The following MAP3K15 variants were observed in gnomAD, a reference collection of about 807,000 sequenced individuals.
The protein encoded by MAP3K15 is mitogen-activated protein kinase kinase kinase 15, also known as MAPK/ERK kinase kinase 15.
In MAP3K15, 124 loss-of-function variants were observed where a neutral mutation model predicts 99.5. The ratio of observed to expected loss-of-function variants is 1.25; its 90% CI spans 1.08 to 1.45. MAP3K15 has a LOEUF of 1.45. MAP3K15 is among the 40% of genes most tolerant of loss of function. MAP3K15 has a pLI of 0.00. For missense variants in MAP3K15, 1,242 were observed against 1,079.7 expected (o/e 1.15, Z -2.11); for synonymous variants, 494 against 439.6 (o/e 1.12, Z -1.55).
intron 23 of MAP3K15, 55 bp from the exon 24 acceptor site, chrX:19,371,119 A>C: frequency 2.1e-6 from 2 of 961,238 alleles, no homozygotes; most frequent in South Asian, 4.7e-5. Flanking sequence ...CCAGATTTCC[A>C]GTGCATTGCA....
At chrX:19,430,843 T>C (rs116121621) in intron 7 of MAP3K15, among the ~76,000 whole-genome samples, 12,217 of 110,184 alleles carry the variant, frequency 0.11, 1,281 homozygotes, top group African/African-American at 0.32. Flanking sequence ...ATCACTTTTC[T>C]ATCTTTAGGC....
chrX:19,386,571 G>A (rs1057454851), intron 18 of MAP3K15, among the ~76,000 whole-genome samples: 1 of 111,112 alleles, frequency 9.0e-6, no homozygotes, highest in Middle Eastern at 4.7e-3. Context: ...AGCCCACTAC[G>A]GCTCTTAGGT....
Position 19,472,210 on chromosome X carries a change from C to T in MAP3K15, c.526-7804G>A, listed in dbSNP as rs776347978. On this transcript the variant is annotated intron_variant, in intron 3 of 28. Coordinates refer to ENST00000338883, the MANE Select transcript of MAP3K15 (RefSeq NM_001001671.4). ...CAGCACTCCAGCCTGGGCCATAGAG[C>T]GAGACTCTGTCTCAAAAATAATAAT... 2.0e-4 allele frequency among the ~76,000 whole-genome samples: 21 copies of T among 107,119 alleles called. No homozygotes were observed. The South Asian group carries it at 5.2e-3, about 27-fold the overall frequency. 93.0% of individuals were successfully genotyped at this position (107,119 alleles called of 115,157 possible). A position where few individuals can be genotyped will look rare whatever the true frequency, so the allele number is the denominator to read the frequency against.
chrX:19,394,940 C>T (rs1041955017), intron 16 of MAP3K15, 141 bp downstream of exon 16: 5 of 600,892 alleles, frequency 8.3e-6, no homozygotes, highest in South Asian at 2.8e-5. Context: ...CTTCCCATCT[C>T]GGCCTCCCAA....
intron 3 of MAP3K15, among the ~76,000 whole-genome samples, chrX:19,465,435 G>A (rs761569543): frequency 9.1e-6 from 1 of 110,472 alleles, no homozygotes; most frequent in Admixed American, 9.7e-5. Flanking sequence ...ACCAGCTATT[G>A]GTATTAAGTC....
chrX:19,463,762 C>T (rs1443799369), intron 4 of MAP3K15, among the ~76,000 whole-genome samples: 7 of 111,248 alleles, frequency 6.3e-5, no homozygotes, highest in Non-Finnish European at 9.4e-5. Context: ...ACTCAACGCA[C>T]GAAGGCTTTT....
chrX:19,499,145 T>C (rs2064425517), intron 1 of MAP3K15, among the ~76,000 whole-genome samples: 1 of 111,990 alleles, frequency 8.9e-6, no homozygotes, highest in Admixed American at 9.5e-5. Flanking sequence ...CAAAGGAAGA[T>C]ATCTGCATGT....
At chrX:19,360,870 T>G in intron 28 of MAP3K15, 37 bp from the exon 29 acceptor site, 1 of 1,064,218 alleles carries the variant, frequency 9.4e-7, no homozygotes, top group Non-Finnish European at 1.3e-6. Flanking sequence ...GAGTCAGTGC[T>G]TCAAGCCAAC....
chrX:19,380,341 G>T, intron 18 of MAP3K15, 64 bp from the exon 19 acceptor site: 4 of 1,133,656 alleles, frequency 3.5e-6, no homozygotes, highest in Non-Finnish European at 4.8e-6. Context: ...GTGGCCTGTA[G>T]TCCCAGCTAC....
chrX:19,400,421 A>G (rs1212034829), intron 14 of MAP3K15, among the ~76,000 whole-genome samples, 155 bp downstream of exon 14: 2 of 111,985 alleles, frequency 1.8e-5, no homozygotes, highest in African/African-American at 6.5e-5. Flanking sequence ...TTCTCTGGAG[A>G]CACATTCAAC....
chrX:19,431,685 C>T, intron 6 of MAP3K15, 77 bp from the exon 7 acceptor site: 4 of 908,950 alleles, frequency 4.4e-6, no homozygotes, highest in Non-Finnish European at 6.0e-6. Flanking sequence ...GTGGCTCCCA[C>T]CTGTAATCCC....
At chrX:19,472,687 C>T (rs746755926) in intron 3 of MAP3K15, among the ~76,000 whole-genome samples, 1 of 111,945 alleles carries the variant, frequency 8.9e-6, no homozygotes, top group Non-Finnish European at 1.9e-5. Flanking sequence ...TACAAAAATA[C>T]TTATTACAAT....
At chrX:19,511,271 A>G (rs191554017) in intron 1 of MAP3K15, among the ~76,000 whole-genome samples, 8 of 112,518 alleles carry the variant, frequency 7.1e-5, no homozygotes, top group African/African-American at 2.6e-4. Context: ...CAAGGACTTC[A>G]TGGCTTAAAC....
intron 3 of MAP3K15, among the ~76,000 whole-genome samples, chrX:19,473,021 C>T (rs138178924): frequency 1.1e-3 from 118 of 112,005 alleles, no homozygotes; most frequent in African/African-American, 3.6e-3. Context: ...ATGAAGTCTA[C>T]CCCCCAGTCA....
At position 19,415,156 on chromosome X, in the gene MAP3K15, T is replaced by C. The variant is rs745688597; in HGVS notation, c.1541A>G (p.Asp514Gly). The change falls in exon 10 of 29, where the codon GAT becomes GGT. Residue 514 changes from aspartate to glycine, a missense_variant. Asp to Gly is a moderately conservative substitution (Grantham distance 94). Coordinates refer to ENST00000338883, the MANE Select transcript of MAP3K15 (RefSeq NM_001001671.4). The stretch of plus-strand genomic sequence containing the variant: ...TTCATTTGTTGCCTCAAAAATTATA[T>C]CTAACCAGAAGTTCAGCCGCTCTTG... Reference protein sequence around the residue: ...PRQERLNFWLDIIFEATNEVT... With the variant: ...PRQERLNFWLGIIFEATNEVT... 2.5e-6 allele frequency: 3 copies of C among 1,176,616 alleles called. No homozygotes were observed. Among genetic ancestry groups the C allele is most frequent in the African/African-American group, 3.5e-5 (2 of 56,882 alleles).
At chrX:19,362,647 G>A in intron 26 of MAP3K15, 91 bp downstream of exon 26, 1 of 557,301 alleles carries the variant, frequency 1.8e-6, no homozygotes, top group East Asian at 3.4e-5. Context: ...CTGGAGTCCT[G>A]GATTAACAGA....
rs777294659 is a variant in MAP3K15 at position 19,373,585 on chromosome X, G to C, written c.2884C>G (p.Leu962Val). ...CTGGGCGCCCGGGTCCTCTCAAAGA[G>C]TGCGTCAGGCTGGGCGTCGGAGTCT... ...SPDSDAQPDA[L>V]FERTRAPRHH... Residue 962 changes from leucine (L) to valine (V), a missense_variant, in exon 21 of 29, where the codon CTC becomes GTC. By Grantham distance (32) the Leu-to-Val change is conservative. Coordinates refer to ENST00000338883, the MANE Select transcript of MAP3K15 (RefSeq NM_001001671.4). The C allele has an allele frequency of 1.7e-6, 2 of 1,180,952 alleles. No individual in the cohort carries two copies. Among genetic ancestry groups the C allele is most frequent in the East Asian group, 3.1e-5 (1 of 32,391 alleles).
intron 18 of MAP3K15, among the ~76,000 whole-genome samples, chrX:19,383,041 C>T (rs1371322621): frequency 9.0e-6 from 1 of 111,053 alleles, no homozygotes; most frequent in Non-Finnish European, 1.9e-5. Flanking sequence ...CTCAGTCGGC[C>T]CCAGTCTCCC....
intron 9 of MAP3K15, among the ~76,000 whole-genome samples, chrX:19,418,423 A>C (rs764576173): frequency 8.9e-6 from 1 of 111,758 alleles, no homozygotes; most frequent in African/African-American, 3.3e-5. Context: ...GATTCGATCA[A>C]CTGGAAGAAA....
Sources: gnomAD v4.1 joint callset for allele counts (sites outside exome capture counted in the v4.1 genomes callset) on GRCh38, gnomAD v4.1.1 for gene constraint, MANE v1.5 for transcripts, NCBI Gene and HGNC (gene_info 2026-07-23, HGNC 2026-07-21) for gene names.